Variants in ERGIC2 observed in about 807,000 individuals in gnomAD.
The protein encoded by ERGIC2 is ERGIC and golgi 2.
Under a neutral mutation model 52.5 loss-of-function variants are expected in ERGIC2, and 31 were observed. The ratio of observed to expected loss-of-function variants is 0.59; its 90% CI spans 0.44 to 0.80. The LOEUF (loss-of-function observed/expected upper bound fraction) is 0.80, where lower values mean the gene tolerates loss of function less well. ERGIC2 is among the 30% of genes least tolerant of loss of function. The pLI is 0.00. For synonymous variants in ERGIC2, 129 were observed against 140.6 expected, an observed-to-expected ratio of 0.92 and a Z score of 0.58; for missense variants, 395 against 455.2, an observed-to-expected ratio of 0.87 and a Z score of 1.20.
intron 5 of ERGIC2, among the ~76,000 whole-genome samples, chr12:29,366,361 C>T (rs1006352571): frequency 3.3e-5 from 5 of 151,892 alleles, no homozygotes; most frequent in African/African-American, 1.2e-4. Flanking sequence ...GTCAGCATTT[C>T]ACACGCTGAG....
rs561738748 is a variant in ERGIC2 at position 29,371,781 on chromosome 12, C to A, written c.-37-111G>T. The A allele has an allele frequency of 3.0e-5, 17 of 566,896 alleles. No homozygotes were observed. In the African/African-American group the frequency reaches 3.2e-4, roughly 11 times the overall value. 35.1% of individuals were successfully genotyped at this position (566,896 alleles called of 1,614,324 possible). On this transcript the variant is annotated intron_variant, in intron 1 of 13. Transcript: ENST00000360150. ...CTTAAAACAACTTAACATTCTCATC[C>A]CCCCTTAAAAATAAAAAGCATAGTA...
chr12:29,370,043 T>C, intron 3 of ERGIC2, 71 bp downstream of exon 3: 1 of 1,325,984 alleles, frequency 7.5e-7, no homozygotes, highest in Non-Finnish European at 9.7e-7. Context: ...GACTTTTTCT[T>C]TTTTAAAAGG....
chr12:29,366,562 T>C (rs553417464), intron 5 of ERGIC2, among the ~76,000 whole-genome samples: 4 of 151,776 alleles, frequency 2.6e-5, no homozygotes, highest in South Asian at 4.2e-4. Context: ...AAAAAACTCA[T>C]CACTATAACT....
At chr12:29,358,385 G>T (rs997355268) in intron 6 of ERGIC2, among the ~76,000 whole-genome samples, 1 of 152,146 alleles carries the variant, frequency 6.6e-6, no homozygotes, top group Non-Finnish European at 1.5e-5. Flanking sequence ...ACAGTGGGAA[G>T]GGAAGAATAA....
At position 29,338,448 on chromosome 12, in the gene ERGIC2, C is replaced by T. The variant is rs566563858; in HGVS notation, c.*2708G>A. 1 of 151,962 alleles carries T rather than the reference C, an allele frequency of 6.6e-6. No homozygotes were observed. Among genetic ancestry groups the T allele is most frequent in the South Asian group, 2.1e-4 (1 of 4,806 alleles). The allele number at this position is 151,962 out of a possible 1,614,324, so 9.4% of individuals were successfully genotyped here. A position where few individuals can be genotyped will look rare whatever the true frequency, so the allele number is the denominator to read the frequency against. Reference sequence around the variant, plus strand: ...TTACTTGAGTCCGGGAGTTGGAGTCCAGCTTGAACAACACAGCAAGATACT... The same window carrying T: ...TTACTTGAGTCCGGGAGTTGGAGTCTAGCTTGAACAACACAGCAAGATACT... On this transcript the variant is annotated 3_prime_UTR_variant, in exon 14 of 14. Coordinates refer to ENST00000360150, the MANE Select transcript of ERGIC2 (RefSeq NM_016570.3).
chr12:29,342,404 A>G (rs1312723640), intron 12 of ERGIC2, among the ~76,000 whole-genome samples: 1 of 152,246 alleles, frequency 6.6e-6, no homozygotes, highest in Non-Finnish European at 1.5e-5. Context: ...ATTGAAATGA[A>G]GCACTAACAA....
At chr12:29,350,515 T>A (rs1398310379) in intron 8 of ERGIC2, among the ~76,000 whole-genome samples, 1 of 152,092 alleles carries the variant, frequency 6.6e-6, no homozygotes, top group Non-Finnish European at 1.5e-5. Flanking sequence ...TGATCTGTAA[T>A]GAAATTTTAA....
chr12:29,379,910 TGG>T (rs1940563183), intron 1 of ERGIC2, among the ~76,000 whole-genome samples: 1 of 152,180 alleles, frequency 6.6e-6, no homozygotes, highest in African/African-American at 2.4e-5. Context: ...AGAAAATGTG[TGG>T]GTGGTTGTTG....
intron 10 of ERGIC2, among the ~76,000 whole-genome samples, chr12:29,348,697 A>G (rs1940091762): frequency 6.6e-6 from 1 of 151,992 alleles, no homozygotes; most frequent in African/African-American, 2.4e-5. Flanking sequence ...CTTTGAACCT[A>G]TATTATACAA....
At chr12:29,371,725 T>G (rs1482991603) in intron 1 of ERGIC2, 55 bp from the exon 2 acceptor site, 2 of 794,398 alleles carry the variant, frequency 2.5e-6, no homozygotes, top group Non-Finnish European at 3.9e-6. Flanking sequence ...ATAAAAAGGT[T>G]TCTTTAAATT....
chr12:29,366,460 A>G (rs979231772), intron 5 of ERGIC2, among the ~76,000 whole-genome samples: 6 of 151,954 alleles, frequency 3.9e-5, no homozygotes, highest in Non-Finnish European at 7.4e-5. Flanking sequence ...TGATTGTAAG[A>G]GAAATACAGT....
chr12:29,346,857 A>G (rs1262281585), intron 10 of ERGIC2, among the ~76,000 whole-genome samples: 1 of 152,218 alleles, frequency 6.6e-6, no homozygotes, highest in African/African-American at 2.4e-5. Flanking sequence ...TTCTCTAGAA[A>G]AAGTATAATT....
At position 29,341,090 on chromosome 12, in the gene ERGIC2, T is replaced by C. The variant is rs1949836385; in HGVS notation, c.*66A>G. On this transcript the variant is annotated 3_prime_UTR_variant, in exon 14 of 14. Coordinates refer to ENST00000360150, the MANE Select transcript of ERGIC2 (RefSeq NM_016570.3). ...TCTTTTCTTTGAATATATTGCACAATATTTTATTATTAAAAAAAGGTTTTA... is the reference window on the plus strand; with the variant it reads ...TCTTTTCTTTGAATATATTGCACAACATTTTATTATTAAAAAAAGGTTTTA... 9.7e-7 allele frequency: 1 copy of C among 1,029,786 alleles called. No homozygotes were observed. Among genetic ancestry groups the C allele is most frequent in the African/African-American group, 1.6e-5 (1 of 62,036 alleles). 63.8% of individuals were successfully genotyped at this position (1,029,786 alleles called of 1,614,324 possible).
At chr12:29,351,881 G>T (rs1241307788) in intron 8 of ERGIC2, among the ~76,000 whole-genome samples, 1 of 151,928 alleles carries the variant, frequency 6.6e-6, no homozygotes, top group African/African-American at 2.4e-5. Flanking sequence ...TTTATAGGTT[G>T]GTAATATTGT....
Position 29,343,123 on chromosome 12 carries a change from T to C in ERGIC2, c.985A>G (p.Thr329Ala). 1.9e-6 allele frequency: 3 copies of C among 1,590,366 alleles called. No homozygotes were observed. The highest frequency in any genetic ancestry group is 2.6e-6 in the Non-Finnish European group (3 of 1,167,898). The change falls in exon 12 of 14, where the codon ACA (threonine) becomes GCA (alanine). Residue 329 changes from threonine (T) to alanine (A), a missense_variant. Thr to Ala is a moderately conservative substitution (Grantham distance 58). Transcript: ENST00000360150. ...CGIVGGIFST[T>A]GMLHGIGKFI... The stretch of plus-strand genomic sequence containing the variant: ...CAAAAAGGAAATGGTTGTTAACCTG[T>C]TGTTGAAAAGATTCCTCCAACAATA...
intron 1 of ERGIC2, among the ~76,000 whole-genome samples, chr12:29,374,637 T>C (rs1202649479): frequency 1.3e-5 from 2 of 152,330 alleles, no homozygotes; most frequent in East Asian, 3.9e-4. Flanking sequence ...TGTATCTATC[T>C]TAATGATAAC....
chr12:29,353,798 A>T lies in ERGIC2; in HGVS notation c.572+2584T>A, dbSNP rs186406170. ...GCATAAGTGAGCATCTTCTTCAAAAAATTAAATTTAAAAATCAAATTAAAT... is the reference window on the plus strand; with the variant it reads ...GCATAAGTGAGCATCTTCTTCAAAATATTAAATTTAAAAATCAAATTAAAT... On this transcript the variant is annotated intron_variant, in intron 8 of 13. Coordinates refer to ENST00000360150, the MANE Select transcript of ERGIC2 (RefSeq NM_016570.3). Among the ~76,000 whole-genome samples the T allele has an allele frequency of 2.9e-3, 441 of 152,214 alleles. 3 individuals carry two copies. The highest frequency in any genetic ancestry group is 9.4e-3 in the African/African-American group (392 of 41,536).
intron 8 of ERGIC2, among the ~76,000 whole-genome samples, chr12:29,352,519 C>T (rs776162624): frequency 2.0e-5 from 3 of 151,874 alleles, no homozygotes; most frequent in African/African-American, 2.4e-5. Flanking sequence ...AAAAATTAGC[C>T]GGGCGTGGTG....
chr12:29,376,317 G>C (rs189976280), intron 1 of ERGIC2, among the ~76,000 whole-genome samples: 1 of 152,042 alleles, frequency 6.6e-6, no homozygotes. Flanking sequence ...TCTCACTTCC[G>C]TACTTGTTGC....
Sources: allele counts gnomAD v4.1 joint callset (sites outside exome capture counted in the v4.1 genomes callset), GRCh38; gene constraint gnomAD v4.1.1; transcripts MANE v1.5; gene names NCBI Gene and HGNC (gene_info 2026-07-23, HGNC 2026-07-21).